TMED6: variants seen among roughly 807,000 people sequenced by gnomAD.
The protein encoded by TMED6 is transmembrane emp24 domain-containing protein 6.
A neutral mutation model predicts 26.5 loss-of-function variants in TMED6; 17 were observed. That is an observed-to-expected ratio of 0.64 (90% confidence interval 0.44 to 0.96). The LOEUF is 0.96. Among genes scored for constraint, TMED6 ranks in the 40% least tolerant of loss-of-function variants. The pLI is 0.00. For synonymous variants in TMED6, 107 were observed against 106.2 expected (o/e 1.01, Z -0.04); for missense variants, 309 against 296.5 (o/e 1.04, Z -0.31).
At chr16:69,351,508 A>G (rs1173256453) in intron 1 of TMED6, 33 bp downstream of exon 1, 2 of 1,592,768 alleles carry the variant, frequency 1.3e-6, no homozygotes, top group South Asian at 1.2e-5. Context: ...GAGAAAAAAA[A>G]AAGCCCCCCA....
At chr16:69,349,798 G>C in intron 1 of TMED6, 147 bp from the exon 2 acceptor site, 2 of 928,758 alleles carry the variant, frequency 2.2e-6, no homozygotes, top group East Asian at 5.5e-5. Flanking sequence ...GTTTGGAGTT[G>C]ATTGGAGGAT....
chr16:69,348,962 A>G (rs1567437929), intron 2 of TMED6, among the ~76,000 whole-genome samples: 1 of 152,234 alleles, frequency 6.6e-6, no homozygotes, highest in Non-Finnish European at 1.5e-5. Flanking sequence ...TTCATAGTGA[A>G]GGACTGTCTG....
chr16:69,348,464 G>C lies in TMED6; in HGVS notation c.341-528C>G, dbSNP rs115981365. 10 of 152,502 alleles carry C rather than the reference G, an allele frequency of 6.6e-5. 1 individual carries two copies. The highest frequency in any genetic ancestry group is 1.5e-4 in the African/African-American group (6 of 40,926). The allele number at this position is 152,502 out of a possible 1,614,324, so 9.4% of individuals were successfully genotyped here. A position where few individuals can be genotyped will look rare whatever the true frequency, so the allele number is the denominator to read the frequency against. On this transcript the variant is annotated intron_variant, in intron 2 of 3. Transcript: ENST00000288025. ...GGGTTGCCTCCCTTTGTGTGTGCGG[G>C]GGGGAGGGGGGCGCGGGGTGGGGAG...
At position 69,343,550 on chromosome 16, in the gene TMED6, T is replaced by G. The variant is rs545180603; in HGVS notation, c.580A>C (p.Ile194Leu). ...TTCACGTAGTTATAGTTTGATTGGATAAGGAAAAAGTCAGCCATTTTCCTC... is the reference window on the plus strand; with the variant it reads ...TTCACGTAGTTATAGTTTGATTGGAGAAGGAAAAAGTCAGCCATTTTCCTC... ...RMRKMADFFL[I>L]QSNYNYVNWW... The change falls in exon 4 of 4, where the codon ATC (isoleucine) becomes CTC (leucine). Residue 194 changes from isoleucine (I) to leucine (L), a missense_variant. Coordinates refer to ENST00000288025, the MANE Select transcript of TMED6 (RefSeq NM_144676.4). 3.1e-6 allele frequency: 5 copies of G among 1,614,034 alleles called. No individual in the cohort carries two copies. Among genetic ancestry groups the G allele is most frequent in the Non-Finnish European group, 4.2e-6 (5 of 1,180,040 alleles).
chr16:69,349,642 T>C lies in TMED6; in HGVS notation c.223A>G (p.Thr75Ala), dbSNP rs1338273917. 1 of 1,613,572 alleles carries C rather than the reference T, an allele frequency of 6.2e-7. No individual in the cohort carries two copies. Among genetic ancestry groups the C allele is most frequent in the Non-Finnish European group, 8.5e-7 (1 of 1,179,674 alleles). ...YFYFSYEVQR[T>A]VGMSHDRHVA... ...TGCCGGTCATGTGACATCCCCACTG[T>C]CCGCTGAACCTGCCAAGACACATTA... The change falls in exon 2 of 4, where the codon ACA becomes GCA. Residue 75 changes from threonine (T) to alanine (A), a missense_variant. Thr to Ala is a moderately conservative substitution (Grantham distance 58, BLOSUM62 0). Transcript: ENST00000288025.
At chr16:69,345,788 A>C (rs971550385) in intron 3 of TMED6, among the ~76,000 whole-genome samples, 1 of 140,650 alleles carries the variant, frequency 7.1e-6, no homozygotes, top group Non-Finnish European at 1.6e-5. Context: ...AAGCAATTCT[A>C]CCTAAGCCTC....
chr16:69,347,554 T>C (rs1159861427), intron 3 of TMED6, among the ~76,000 whole-genome samples: 1 of 152,176 alleles, frequency 6.6e-6, no homozygotes, highest in Non-Finnish European at 1.5e-5. Context: ...GAGACAGGGT[T>C]TCACCATGTT....
chr16:69,345,678 CAAAAAAAAAAAA>C (rs34468905), intron 3 of TMED6, among the ~76,000 whole-genome samples: 5 of 43,430 alleles, frequency 1.2e-4, no homozygotes, highest in East Asian at 1.3e-3. Context: ...CTGACTCTCT[CAAAAAAAAAAAA>C]AAAAAAAAAA....
chr16:69,350,637 G>A (rs1281672078), intron 1 of TMED6, among the ~76,000 whole-genome samples: 1 of 152,112 alleles, frequency 6.6e-6, no homozygotes, highest in Non-Finnish European at 1.5e-5. Flanking sequence ...CTTGGTGGTT[G>A]AGCTCCCCAA....
At chr16:69,347,727 T>C (rs1023190786) in intron 3 of TMED6, 61 bp downstream of exon 3, 38 of 1,600,214 alleles carry the variant, frequency 2.4e-5, no homozygotes, top group South Asian at 1.0e-4. Context: ...GAAGTCATCT[T>C]CCCTCTGAAG....
In TMED6 at chr16:69,347,770, C is replaced by T; in HGVS notation, c.489+18G>A. On this transcript the variant is annotated intron_variant, in intron 3 of 3. Transcript: ENST00000288025. ...TCAGTTTCCACAGATGTTTCTCTTC[C>T]ACAAAACACTTCCTTACCTCAATTG... is the stretch of plus-strand genomic sequence containing the variant. 6.2e-7 allele frequency: 1 copy of T among 1,612,846 alleles called. No homozygotes were observed. Among genetic ancestry groups the T allele is most frequent in the Middle Eastern group, 1.6e-4 (1 of 6,062 alleles).
chr16:69,349,781 T>C, intron 1 of TMED6, 130 bp from the exon 2 acceptor site: 2 of 1,150,210 alleles, frequency 1.7e-6, no homozygotes, highest in Non-Finnish European at 1.2e-6. Context: ...CCCAACCCCC[T>C]GCTGGGGTTT....
intron 3 of TMED6, among the ~76,000 whole-genome samples, chr16:69,345,312 A>G (rs1352029372): frequency 6.6e-6 from 1 of 151,776 alleles, no homozygotes; most frequent in East Asian, 1.9e-4. Flanking sequence ...ACATTGCCAG[A>G]ATGGGAGAAA....
In TMED6 at chr16:69,349,269, T is replaced by G. The variant is rs1259525148; in HGVS notation, c.340+256A>C. On this transcript the variant is annotated intron_variant, in intron 2 of 3. Transcript: ENST00000288025. ...TTTGGTCACTTTCCCAGAATCTGAT[T>G]AACTGGAGATGATGAGATAAAATTG... 2.6e-5 allele frequency among the ~76,000 whole-genome samples: 4 copies of G among 152,204 alleles called. No homozygotes were observed. The East Asian group carries it at 7.7e-4, about 29-fold the overall frequency.
At position 69,343,398 on chromosome 16, in the gene TMED6, CACCTT is replaced by C. The variant is rs764573200; in HGVS notation, c.*4_*8del. On this transcript the variant is annotated 3_prime_UTR_variant, in exon 4 of 4. Coordinates refer to ENST00000288025, the MANE Select transcript of TMED6 (RefSeq NM_144676.4). ...AAGAAAACAGCCAGGGTGCTATAGTCACCTTAGCTTAGCATCTTGGCTTCTTTGTA... is the reference window on the plus strand; with the variant it reads ...AAGAAAACAGCCAGGGTGCTATAGTCAGCTTAGCATCTTGGCTTCTTTGTA... The C allele has an allele frequency of 4.3e-6, 7 of 1,611,490 alleles. No individual in the cohort carries two copies. The Admixed American group carries it at 1.0e-4, about 23-fold the overall frequency.
rs141162181 is a variant in TMED6, at chr16:69,351,596, G to A, written c.158C>T (p.Thr53Met). The stretch of plus-strand genomic sequence containing the variant: ...GTGGGCAAATTGCCAAAAGCATTCC[G>A]TGCCTCCTGGAGGTATCATGATGGC... ...DFAIMIPPGG[T>M]ECFWQFAHQT... The change falls in exon 1 of 4, where the codon ACG becomes ATG. Residue 53 changes from threonine to methionine, a missense_variant. By Grantham distance (81) the Thr-to-Met change is moderately conservative (BLOSUM62 -1). Transcript: ENST00000288025. 8.2e-5 allele frequency: 133 copies of A among 1,614,058 alleles called. No homozygotes were observed. In the South Asian group the frequency reaches 8.8e-4, roughly 11 times the overall value.
chr16:69,343,394 T>C lies in TMED6; in HGVS notation c.*13A>G. On this transcript the variant is annotated 3_prime_UTR_variant, in exon 4 of 4. Transcript: ENST00000288025. ...CCAGAAGAAAACAGCCAGGGTGCTA[T>C]AGTCACCTTAGCTTAGCATCTTGGC... is the stretch of plus-strand genomic sequence containing the variant. 2 of 1,609,254 alleles carry C rather than the reference T, an allele frequency of 1.2e-6. No individual in the cohort carries two copies. The highest frequency in any genetic ancestry group is 1.7e-6 in the Non-Finnish European group (2 of 1,176,124).
At chr16:69,348,203 A>G (rs1170784180) in intron 2 of TMED6, 22 of 293,424 alleles carry the variant, frequency 7.5e-5, no homozygotes, top group Non-Finnish European at 1.3e-4. Flanking sequence ...TTAACATATA[A>G]TTCCCACATC....
At chr16:69,349,397 A>G in intron 2 of TMED6, 128 bp downstream of exon 2, 2 of 1,172,504 alleles carry the variant, frequency 1.7e-6, no homozygotes, top group Non-Finnish European at 2.4e-6. Flanking sequence ...CTCCAGGAAC[A>G]CTGGTTTTTG....
Sources: allele counts gnomAD v4.1 joint callset (sites outside exome capture counted in the v4.1 genomes callset), GRCh38; gene constraint gnomAD v4.1.1; transcripts MANE v1.5; gene names NCBI Gene and HGNC (gene_info 2026-07-23, HGNC 2026-07-21).